SLC16A5: variants seen among roughly 807,000 people sequenced by gnomAD.
The protein encoded by SLC16A5 is monocarboxylate transporter 6.
A neutral mutation model predicts 33.2 loss-of-function variants in SLC16A5; 29 were observed. That is an observed-to-expected ratio of 0.87 (90% CI 0.65 to 1.19). SLC16A5 has a LOEUF of 1.19. Among genes scored for constraint, SLC16A5 ranks in the 50% most tolerant of loss-of-function variants. SLC16A5 has a pLI of 0.00. For synonymous variants in SLC16A5, 248 were observed against 284.1 expected, an observed-to-expected ratio of 0.87 and a Z score of 1.28; for missense variants, 606 against 678.2, an observed-to-expected ratio of 0.89 and a Z score of 1.18.
intron 5 of SLC16A5, among the ~76,000 whole-genome samples, chr17:75,101,294 C>T (rs1166793919): frequency 3.3e-5 from 5 of 149,260 alleles, no homozygotes; most frequent in Admixed American, 2.7e-4. Flanking sequence ...GGTGCGGTGG[C>T]TCACGCCTGT....
chr17:75,102,208 C>T (rs1248265033), intron 5 of SLC16A5, among the ~76,000 whole-genome samples: 1 of 152,036 alleles, frequency 6.6e-6, no homozygotes, highest in Middle Eastern at 3.2e-3. Context: ...GGTCTCCATT[C>T]CCAGCCTGAC....
chr17:75,098,379 A>G (rs900470906), intron 4 of SLC16A5, among the ~76,000 whole-genome samples, 198 bp downstream of exon 4: 3 of 152,008 alleles, frequency 2.0e-5, no homozygotes, highest in Non-Finnish European at 2.9e-5. Flanking sequence ...CCCGGCCAAC[A>G]TGGTGAAACC....
Position 75,106,130 on chromosome 17 carries a change from C to A in SLC16A5, c.*97C>A. The A allele has an allele frequency of 1.9e-6, 1 of 528,088 alleles. No homozygotes were observed. Among genetic ancestry groups the A allele is most frequent in the Non-Finnish European group, 3.3e-6 (1 of 305,998 alleles). 32.7% of individuals were successfully genotyped at this position (528,088 alleles called of 1,614,324 possible). On this transcript the variant is annotated 3_prime_UTR_variant, in exon 7 of 7. Transcript: ENST00000329783. ...AAAGTAGGAGGTTACTTTGTTAGAG[C>A]AAAATAATAAAATTTAATTTTAAAA... is the stretch of plus-strand genomic sequence containing the variant.
intron 2 of SLC16A5, among the ~76,000 whole-genome samples, chr17:75,090,780 G>A (rs1598144238): frequency 1.3e-5 from 2 of 152,188 alleles, no homozygotes; most frequent in Middle Eastern, 3.4e-3. Flanking sequence ...CTTCTAGTGT[G>A]CAAAGGTGCA....
rs1555644925 is a variant in SLC16A5, at chr17:75,092,026, G to GTGTGTGTGTGT, written c.-48-1563_-48-1562insTGTGTGTGTGT. ...ACCTTGCTAAGCCAAAGATGTGAGG[G>GTGTGTGTGTGT]GGGTGTGTGTGTGTGTGTGTGTGTG... On this transcript the variant is annotated intron_variant, in intron 2 of 6. Coordinates refer to ENST00000329783, the MANE Select transcript of SLC16A5 (RefSeq NM_004695.4). 8.3e-3 allele frequency among the ~76,000 whole-genome samples: 514 copies of GTGTGTGTGTGT among 61,814 alleles called. 3 individuals are homozygous for GTGTGTGTGTGT. Among genetic ancestry groups the GTGTGTGTGTGT allele is most frequent in the African/African-American group, 0.029 (297 of 10,206 alleles). 40.6% of individuals were successfully genotyped at this position (61,814 alleles called of 152,430 possible).
intron 6 of SLC16A5, chr17:75,104,966 G>A (rs117530237): frequency 0.029 from 29,000 of 985,408 alleles, 441 homozygotes; most frequent in Non-Finnish European, 0.033. Context: ...ATTTCTCTTT[G>A]TCTTTCTCTG....
chr17:75,099,506 A>G (rs1238954273), intron 4 of SLC16A5, among the ~76,000 whole-genome samples: 1 of 151,934 alleles, frequency 6.6e-6, no homozygotes, highest in African/African-American at 2.4e-5. Flanking sequence ...AACCTCCACA[A>G]CCTCAGCTCA....
At chr17:75,109,891 C>G, downstream of SLC16A5, 1 of 207,556 alleles carries the variant, frequency 4.8e-6, no homozygotes, top group East Asian at 1.4e-4. The surrounding 1 kb of genome is among the most constrained non-coding windows in gnomAD (Gnocchi z 5.0). Flanking sequence ...AGAAGCGCGC[C>G]GCGCACGCGC....
intron 2 of SLC16A5, among the ~76,000 whole-genome samples, chr17:75,091,443 G>A (rs1275135462): frequency 6.6e-6 from 1 of 152,180 alleles, no homozygotes; most frequent in African/African-American, 2.4e-5. Flanking sequence ...CAGAGGGCAG[G>A]AGGGCAAGCA....
intron 2 of SLC16A5, among the ~76,000 whole-genome samples, chr17:75,091,024 C>T: frequency 6.6e-6 from 1 of 152,222 alleles, no homozygotes; most frequent in East Asian, 1.9e-4. Flanking sequence ...GGACCAGAGC[C>T]AGGCAGTGGG....
chr17:75,088,596 GGA>G lies in SLC16A5; in HGVS notation c.-202-553_-202-552del, dbSNP rs570590672. On this transcript the variant is annotated intron_variant, in intron 1 of 6. Transcript: ENST00000329783. ...TGCCCTTGCTGCTCTCTGCTGGACG[GGA>G]GCCCTTCTGCTGCCTGCCTGGGTCC... is the stretch of plus-strand genomic sequence containing the variant. 4.2e-4 allele frequency among the ~76,000 whole-genome samples: 64 copies of G among 152,216 alleles called. 2 individuals are homozygous for G. The highest frequency in any genetic ancestry group is 1.5e-3 in the African/African-American group (62 of 41,550).
intron 6 of SLC16A5, chr17:75,105,050 C>T: frequency 4.1e-6 from 4 of 985,486 alleles, no homozygotes; most frequent in Non-Finnish European, 4.8e-6. Flanking sequence ...TGACCCAGCC[C>T]TCACCTGTAG....
chr17:75,092,403 C>G (rs1181790584), intron 2 of SLC16A5, among the ~76,000 whole-genome samples: 1 of 149,104 alleles, frequency 6.7e-6, no homozygotes, highest in Admixed American at 6.7e-5. Flanking sequence ...TGTCACTAGG[C>G]TGGAGTGCAG....
chr17:75,099,490 C>A (rs538121955), intron 4 of SLC16A5, among the ~76,000 whole-genome samples: 2 of 152,020 alleles, frequency 1.3e-5, no homozygotes, highest in African/African-American at 4.8e-5. Flanking sequence ...AATCTCAGCT[C>A]ACTGCAACCT....
intron 2 of SLC16A5, 49 bp from the exon 3 acceptor site, chr17:75,093,540 G>T (rs1399352940): frequency 6.5e-7 from 1 of 1,540,972 alleles, no homozygotes; most frequent in East Asian, 2.4e-5. Flanking sequence ...TGGGCCAGGA[G>T]AGACGGACAG....
At chr17:75,103,916 C>T (rs2073830051) in intron 5 of SLC16A5, 54 bp from the exon 6 acceptor site, 3 of 1,522,272 alleles carry the variant, frequency 2.0e-6, no homozygotes, top group East Asian at 4.5e-5. Context: ...GAACACACAG[C>T]TGAGTTGGGG....
intron 6 of SLC16A5, 128 bp downstream of exon 6, chr17:75,104,308 G>A (rs992596401): frequency 1.9e-5 from 28 of 1,487,960 alleles, no homozygotes; most frequent in Middle Eastern, 3.9e-4. Context: ...CCAGGGGCTT[G>A]GGTGAAGAGT....
At chr17:75,106,614 G>A (rs999687063), downstream of SLC16A5, among the ~76,000 whole-genome samples, 10 of 137,786 alleles carry the variant, frequency 7.3e-5, no homozygotes, top group Admixed American at 6.4e-4. Flanking sequence ...AAAAAAAAAG[G>A]CTGGGTGTGG....
Position 75,088,034 on chromosome 17 carries a change from C to G in SLC16A5, c.-213C>G, listed in dbSNP as rs964215609. 8 of 152,450 alleles carry G rather than the reference C, an allele frequency of 5.2e-5. No individual in the cohort carries two copies. Among genetic ancestry groups the G allele is most frequent in the African/African-American group, 1.9e-4 (8 of 41,468 alleles). The allele number at this position is 152,450 out of a possible 1,614,324, so 9.4% of individuals were successfully genotyped here. On this transcript the variant is annotated 5_prime_UTR_variant, in exon 1 of 7. Transcript: ENST00000329783. ...AGCTGAGCCACCTCTCCGCCAGGCC[C>G]GTGCGAGCGGGTGAGCGGGCCCCCC...
Sources: allele counts gnomAD v4.1 joint callset (sites outside exome capture counted in the v4.1 genomes callset), GRCh38; gene constraint gnomAD v4.1.1; non-coding constraint Gnocchi (gnomAD v3.1); transcripts MANE v1.5; gene names NCBI Gene and HGNC (gene_info 2026-07-23, HGNC 2026-07-21).